DCC: variants seen among roughly 807,000 people sequenced by gnomAD.
DCC encodes the protein DCC netrin 1 receptor, also known as netrin receptor DCC.
A neutral mutation model predicts 172.5 loss-of-function variants in DCC; 58 were observed. The observed-to-expected ratio is 0.34, with a 90% CI of 0.27 to 0.42. DCC has a LOEUF of 0.42. Among genes scored for constraint, DCC ranks in the 10% least tolerant of loss-of-function variants. The probability of loss-of-function intolerance (pLI) is 1.00; values close to 1 mark genes in which losing one functional copy is unlikely to be tolerated. For missense variants in DCC, 1,740 were observed against 1,791.0 expected (o/e 0.97, Z 0.51); for synonymous variants, 709 against 644.5 (o/e 1.10, Z -1.52).
intron 2 of DCC, among the ~76,000 whole-genome samples, chr18:52,882,024 T>G (rs1437988981): frequency 6.6e-6 from 1 of 152,124 alleles, no homozygotes. Flanking sequence ...CTTCTTTGGT[T>G]AACTTCAAAG....
chr18:53,337,119 T>A (rs2057600556), intron 14 of DCC, among the ~76,000 whole-genome samples: 1 of 152,220 alleles, frequency 6.6e-6, no homozygotes, highest in South Asian at 2.1e-4. Flanking sequence ...ACTTAACCAA[T>A]TTGCAAGAGA....
intron 5 of DCC, among the ~76,000 whole-genome samples, chr18:52,949,664 C>T (rs957374166): frequency 6.6e-6 from 1 of 152,128 alleles, no homozygotes; most frequent in African/African-American, 2.4e-5. Flanking sequence ...TTTCCTCTTG[C>T]CTTCAAAGTG....
chr18:53,247,426 T>C (rs915351830), intron 12 of DCC, among the ~76,000 whole-genome samples: 1 of 152,028 alleles, frequency 6.6e-6, no homozygotes, highest in Non-Finnish European at 1.5e-5. Flanking sequence ...TGCTTATAAA[T>C]AGTGAAGATT....
intron 2 of DCC, among the ~76,000 whole-genome samples, chr18:52,789,007 G>T (rs1284786625): frequency 6.6e-6 from 1 of 152,162 alleles, no homozygotes; most frequent in East Asian, 1.9e-4. Flanking sequence ...TGTTTCAGGT[G>T]ACCAAGAGTA....
intron 1 of DCC, among the ~76,000 whole-genome samples, chr18:52,608,418 AG>A (rs752307435): frequency 6.6e-6 from 1 of 152,192 alleles, no homozygotes; most frequent in Non-Finnish European, 1.5e-5. Context: ...GCCTTCCCAA[AG>A]GGGACAGAGA....
intron 8 of DCC, among the ~76,000 whole-genome samples, chr18:53,158,414 G>T (rs1187434272): frequency 6.6e-6 from 1 of 152,172 alleles, no homozygotes; most frequent in African/African-American, 2.4e-5. Context: ...TGCTGGATAA[G>T]TTCCACTTCA....
At chr18:53,404,316 C>G (rs965093611) in intron 19 of DCC, among the ~76,000 whole-genome samples, 5 of 151,966 alleles carry the variant, frequency 3.3e-5, no homozygotes. Context: ...GAATTCTCCA[C>G]TCTTATTTAA....
At chr18:52,861,686 A>G (rs1243801336) in intron 2 of DCC, among the ~76,000 whole-genome samples, 1 of 152,194 alleles carries the variant, frequency 6.6e-6, no homozygotes, top group Non-Finnish European at 1.5e-5. Flanking sequence ...TTTAAGTCCT[A>G]TGTCAGTTCA....
At chr18:53,285,558 C>T (rs2056925654) in intron 12 of DCC, among the ~76,000 whole-genome samples, 2 of 152,330 alleles carry the variant, frequency 1.3e-5, no homozygotes, top group Admixed American at 6.5e-5. Flanking sequence ...TGCAGGGGCA[C>T]GACCCTCGTG....
chr18:53,020,135 T>A (rs2041859738), intron 5 of DCC, among the ~76,000 whole-genome samples: 1 of 152,136 alleles, frequency 6.6e-6, no homozygotes, highest in African/African-American at 2.4e-5. Flanking sequence ...GTAGACCATG[T>A]ATTGCTAACC....
At chr18:53,392,085 G>A (rs1908584481) in intron 17 of DCC, among the ~76,000 whole-genome samples, 198 bp downstream of exon 17, 1 of 152,128 alleles carries the variant, frequency 6.6e-6, no homozygotes, top group Non-Finnish European at 1.5e-5. Context: ...AGGCAAGGTA[G>A]GAAAACATCA....
At chr18:52,640,475 A>C (rs769356604) in intron 1 of DCC, among the ~76,000 whole-genome samples, 7 of 152,174 alleles carry the variant, frequency 4.6e-5, no homozygotes, top group Non-Finnish European at 1.0e-4. Flanking sequence ...GACCTCCTCC[A>C]GAAAGCTCTT....
chr18:52,484,143 T>C (rs1310339874), intron 1 of DCC, among the ~76,000 whole-genome samples: 2 of 152,136 alleles, frequency 1.3e-5, no homozygotes, highest in Non-Finnish European at 2.9e-5. Flanking sequence ...CTTATGACCA[T>C]GTACCTTCTG....
At chr18:52,912,799 A>G (rs956709710) in intron 3 of DCC, among the ~76,000 whole-genome samples, 1 of 151,970 alleles carries the variant, frequency 6.6e-6, no homozygotes, top group Admixed American at 6.6e-5. Context: ...AAAGGATCTC[A>G]TTTATTATTT....
intron 1 of DCC, among the ~76,000 whole-genome samples, chr18:52,519,378 A>G (rs1175096094): frequency 6.6e-6 from 1 of 152,062 alleles, no homozygotes; most frequent in East Asian, 1.9e-4. Context: ...ATTTTTTAAA[A>G]AGAAGCTGAT....
chr18:52,899,005 A>G (rs1048646017), intron 2 of DCC, among the ~76,000 whole-genome samples: 5 of 152,140 alleles, frequency 3.3e-5, no homozygotes, highest in Non-Finnish European at 5.9e-5. Flanking sequence ...GGCTTAGATA[A>G]TATTTTCACA....
chr18:53,498,108 G>A (rs192579125), intron 26 of DCC, among the ~76,000 whole-genome samples: 2 of 152,196 alleles, frequency 1.3e-5, no homozygotes, highest in African/African-American at 4.8e-5. Flanking sequence ...AATGAGTATA[G>A]ATACCCTCTG....
intron 7 of DCC, among the ~76,000 whole-genome samples, chr18:53,102,339 G>A (rs2043185645): frequency 6.6e-6 from 1 of 151,998 alleles, no homozygotes; most frequent in Non-Finnish European, 1.5e-5. Flanking sequence ...CATTTTTAGG[G>A]ATACATTCAT....
intron 4 of DCC, 53 bp downstream of exon 4, chr18:52,923,910 T>A: frequency 3.1e-6 from 4 of 1,303,364 alleles, no homozygotes; most frequent in Non-Finnish European, 4.5e-6. Context: ...TGGTATATGC[T>A]GCTATTTATA....
Sources: gnomAD v4.1 joint callset for allele counts (sites outside exome capture counted in the v4.1 genomes callset) on GRCh38, gnomAD v4.1.1 for gene constraint, MANE v1.5 for transcripts, NCBI Gene and HGNC (gene_info 2026-07-23, HGNC 2026-07-21) for gene names.